Variants in PDE7A observed in about 807,000 individuals in gnomAD.
PDE7A encodes the protein high affinity 3',5'-cyclic-AMP phosphodiesterase 7A.
PDE7A carries 39 observed loss-of-function variants against 64.3 expected under a neutral mutation model. The ratio of observed to expected loss-of-function variants is 0.61; its 90% confidence interval spans 0.47 to 0.79. PDE7A has a LOEUF of 0.79. Among genes scored for constraint, PDE7A ranks in the 30% least tolerant of loss-of-function variants. PDE7A has a pLI of 0.00. For synonymous variants in PDE7A, 203 were observed against 206.8 expected (o/e 0.98, Z 0.16); for missense variants, 470 against 582.8 (o/e 0.81, Z 1.99).
At chr8:65,823,973 TA>T (rs1294773629) in intron 1 of PDE7A, among the ~76,000 whole-genome samples, 2 of 151,700 alleles carry the variant, frequency 1.3e-5, no homozygotes, top group African/African-American at 4.8e-5. Context: ...AAAATTGATA[TA>T]AAAATACTAA....
chr8:65,841,476 G>C lies in PDE7A; in HGVS notation c.33C>G (p.Pro11=). MEVCYQLPVL[P]LDRPVPQHVL... is the part of the protein sequence containing the mutation. ...CGTGCTGGGGGACCGGCCTGTCCAG[G>C]GGCAGTACCGGCAGCTGGTAACACA... The change falls in exon 1 of 13, where the codon CCC becomes CCG. Residue 11 remains proline, a synonymous_variant. Coordinates refer to ENST00000401827, the MANE Select transcript of PDE7A (RefSeq NM_001242318.3). 1 of 1,552,476 alleles carries C rather than the reference G, an allele frequency of 6.4e-7. No individual in the cohort carries two copies. Among genetic ancestry groups the C allele is most frequent in the Non-Finnish European group, 8.7e-7 (1 of 1,155,692 alleles).
chr8:65,722,650 C>G (rs1427622362), intron 12 of PDE7A: 1 of 152,288 alleles, frequency 6.6e-6, no homozygotes, highest in Non-Finnish European at 1.5e-5. Flanking sequence ...GTCAACTTTC[C>G]TGTGAACTCC....
chr8:65,841,855 T>G lies in PDE7A; in HGVS notation c.-347A>C, dbSNP rs569282160. Reference sequence around the variant, plus strand: ...GGCCGAGAGGAGCAGGTACCCGGACTGCAGAGTTCGAGCGCAGCACGAACG... The same window carrying G: ...GGCCGAGAGGAGCAGGTACCCGGACGGCAGAGTTCGAGCGCAGCACGAACG... On this transcript the variant is annotated 5_prime_UTR_variant, in exon 1 of 13. Coordinates refer to ENST00000401827, the MANE Select transcript of PDE7A (RefSeq NM_001242318.3). 8.8e-5 allele frequency: 14 copies of G among 159,306 alleles called. No individual in the cohort carries two copies. The South Asian group carries it at 2.2e-3, about 25-fold the overall frequency. The allele number at this position is 159,306 out of a possible 1,614,324, so 9.9% of individuals were successfully genotyped here.
intron 3 of PDE7A, among the ~76,000 whole-genome samples, chr8:65,776,054 T>G (rs1454872423): frequency 6.6e-6 from 1 of 152,206 alleles, no homozygotes; most frequent in Non-Finnish European, 1.5e-5. Context: ...ATATCCACAT[T>G]GCTAAATCAA....
chr8:65,841,606 A>C lies in PDE7A; in HGVS notation c.-98T>G. On this transcript the variant is annotated 5_prime_UTR_variant, in exon 1 of 13. Coordinates refer to ENST00000401827, the MANE Select transcript of PDE7A (RefSeq NM_001242318.3). Reference sequence around the variant, plus strand: ...CGCGGCTCGGGGGCTCCGGGCCGAGACGGGGGCAGGGCGGGCGGGGACCGA... The same window carrying C: ...CGCGGCTCGGGGGCTCCGGGCCGAGCCGGGGGCAGGGCGGGCGGGGACCGA... 1.1e-5 allele frequency: 5 copies of C among 463,082 alleles called. No individual in the cohort carries two copies. Among genetic ancestry groups the C allele is most frequent in the South Asian group, 9.4e-5 (1 of 10,600 alleles). 28.7% of individuals were successfully genotyped at this position (463,082 alleles called of 1,614,324 possible). A position where few individuals can be genotyped will look rare whatever the true frequency, so the allele number is the denominator to read the frequency against.
At chr8:65,727,075 T>C (rs371902232) in intron 8 of PDE7A, 95 bp downstream of exon 8, 9 of 1,003,378 alleles carry the variant, frequency 9.0e-6, no homozygotes, top group Admixed American at 5.9e-5. Flanking sequence ...CTAACATTCA[T>C]TGAGAATTTA....
rs745861177 is a variant in PDE7A at position 65,723,630 on chromosome 8, TAAAA to T, written c.1163-13_1163-10del. 31 of 1,522,562 alleles carry T rather than the reference TAAAA, an allele frequency of 2.0e-5. No homozygotes were observed. The highest frequency in any genetic ancestry group is 2.7e-5 in the Non-Finnish European group (31 of 1,133,090). 94.3% of individuals were successfully genotyped at this position (1,522,562 alleles called of 1,614,324 possible). On this transcript the variant is annotated splice_polypyrimidine_tract_variant and intron_variant, in intron 11 of 12. Coordinates refer to ENST00000401827, the MANE Select transcript of PDE7A (RefSeq NM_001242318.3). ...TTTTTTTTCTATATCTCCTATAAAT[TAAAA>T]AAAGAGAAGTATTAATATGAAGAAT...
intron 1 of PDE7A, among the ~76,000 whole-genome samples, chr8:65,783,476 C>T (rs767377713): frequency 6.6e-6 from 1 of 152,200 alleles, no homozygotes; most frequent in Non-Finnish European, 1.5e-5. Context: ...GTTCCCTCAT[C>T]CTGGATCACT....
At chr8:65,828,323 C>A (rs544962214) in intron 1 of PDE7A, among the ~76,000 whole-genome samples, 1 of 151,996 alleles carries the variant, frequency 6.6e-6, no homozygotes, top group Non-Finnish European at 1.5e-5. Flanking sequence ...TAGAAAGCAG[C>A]ATTAAATGGC....
chr8:65,804,826 AC>A (rs1810075814), intron 1 of PDE7A, among the ~76,000 whole-genome samples: 1 of 150,474 alleles, frequency 6.6e-6, no homozygotes, highest in Non-Finnish European at 1.5e-5. Flanking sequence ...GGCATAAGCC[AC>A]CGTGCCCAGC....
At chr8:65,773,904 C>T (rs971481978) in intron 3 of PDE7A, among the ~76,000 whole-genome samples, 6 of 152,152 alleles carry the variant, frequency 3.9e-5, no homozygotes, top group Admixed American at 3.9e-4. Context: ...AGGGGGTAGG[C>T]TGGAGACTCC....
intron 1 of PDE7A, among the ~76,000 whole-genome samples, chr8:65,802,944 C>T (rs1226466295): frequency 5.9e-5 from 9 of 152,098 alleles, no homozygotes; most frequent in Non-Finnish European, 4.4e-5. Context: ...TGTGGCACCT[C>T]CCCCTCCCCA....
chr8:65,778,371 A>C (rs1399292711), intron 3 of PDE7A, among the ~76,000 whole-genome samples: 1 of 152,196 alleles, frequency 6.6e-6, no homozygotes, highest in Admixed American at 6.5e-5. Context: ...CTAAGAGTGC[A>C]GAAGCCATCT....
In PDE7A at chr8:65,841,612, G is replaced by T. The variant is rs1004628497; in HGVS notation, c.-104C>A. ...TCGGGGGCTCCGGGCCGAGACGGGG[G>T]CAGGGCGGGCGGGGACCGACCCCGG... On this transcript the variant is annotated 5_prime_UTR_variant, in exon 1 of 13. Coordinates refer to ENST00000401827, the MANE Select transcript of PDE7A (RefSeq NM_001242318.3). 4 of 419,830 alleles carry T rather than the reference G, an allele frequency of 9.5e-6. No individual in the cohort carries two copies. Among genetic ancestry groups the T allele is most frequent in the African/African-American group, 6.5e-5 (3 of 46,158 alleles). The allele number at this position is 419,830 out of a possible 1,614,324, so 26.0% of individuals were successfully genotyped here.
rs182425867 is a variant in PDE7A, at chr8:65,742,515, C to T, written c.499+2892G>A. On this transcript the variant is annotated intron_variant, in intron 5 of 12. Coordinates refer to ENST00000401827, the MANE Select transcript of PDE7A (RefSeq NM_001242318.3). ...CTTCCTCCTCTGCCTTGCTGTTCTTCCCCCAATATCAACTGGGAAATTACC... is the reference window on the plus strand; with the variant it reads ...CTTCCTCCTCTGCCTTGCTGTTCTTTCCCCAATATCAACTGGGAAATTACC... 5.1e-3 allele frequency among the ~76,000 whole-genome samples: 783 copies of T among 152,292 alleles called. 6 individuals are homozygous for T. The highest frequency in any genetic ancestry group is 0.01 in the Middle Eastern group (3 of 294).
At chr8:65,775,532 T>C (rs1809234847) in intron 3 of PDE7A, among the ~76,000 whole-genome samples, 1 of 152,246 alleles carries the variant, frequency 6.6e-6, no homozygotes, top group Non-Finnish European at 1.5e-5. Context: ...TTTCAGAATT[T>C]GAAAAATTTC....
chr8:65,813,265 T>C (rs1464991563), intron 1 of PDE7A, among the ~76,000 whole-genome samples: 1 of 152,194 alleles, frequency 6.6e-6, no homozygotes, highest in African/African-American at 2.4e-5. Flanking sequence ...AGCATAGGAA[T>C]GTAAATATAT....
At position 65,841,202 on chromosome 8, in the gene PDE7A, G is replaced by T. The variant is rs566662406; in HGVS notation, c.138+169C>A. 2.8e-4 allele frequency among the ~76,000 whole-genome samples: 42 copies of T among 152,294 alleles called. 1 individual carries two copies. The highest frequency in any genetic ancestry group is 1.2e-3 in the Admixed American group (18 of 15,312). ...TGGGGAGGCTGGAGAACTGAGGGGGGACAGCCAGGAATATTCAAAGAAAAG... is the reference window on the plus strand; with the variant it reads ...TGGGGAGGCTGGAGAACTGAGGGGGTACAGCCAGGAATATTCAAAGAAAAG... On this transcript the variant is annotated intron_variant, in intron 1 of 12. Transcript: ENST00000401827.
chr8:65,718,645 C>G lies in PDE7A; in HGVS notation c.*645G>C, dbSNP rs923337336. 1 of 152,558 alleles carries G rather than the reference C, an allele frequency of 6.6e-6. No homozygotes were observed. Among genetic ancestry groups the G allele is most frequent in the Non-Finnish European group, 1.5e-5 (1 of 68,310 alleles). The allele number at this position is 152,558 out of a possible 1,614,324, so 9.5% of individuals were successfully genotyped here. On this transcript the variant is annotated 3_prime_UTR_variant, in exon 13 of 13. Transcript: ENST00000401827. ...TACTCTACGATAAATGCTCAGTTTC[C>G]AGTGCATGAAATAAAACTATAGCAA...
Sources: allele counts gnomAD v4.1 joint callset (sites outside exome capture counted in the v4.1 genomes callset), GRCh38; gene constraint gnomAD v4.1.1; transcripts MANE v1.5; gene names NCBI Gene and HGNC (gene_info 2026-07-23, HGNC 2026-07-21).